The following SF3B3 variants were observed in gnomAD, a reference collection of about 807,000 sequenced individuals.
The protein encoded by SF3B3 is SAP 130.
In SF3B3, 33 loss-of-function variants were observed where a neutral mutation model predicts 139.2. The ratio of observed to expected loss-of-function variants is 0.24; its 90% confidence interval spans 0.18 to 0.32. SF3B3 has a LOEUF of 0.32. SF3B3 is among the 10% of genes least tolerant of loss of function. SF3B3 has a pLI of 1.00. For missense variants in SF3B3, 818 were observed against 1,509.4 expected (o/e 0.54, Z 7.59); for synonymous variants, 596 against 563.6 (o/e 1.06, Z -0.81).
At chr16:70,530,600 A>C (rs1035763928) in intron 3 of SF3B3, 145 bp from the exon 4 acceptor site, 2 of 749,656 alleles carry the variant, frequency 2.7e-6, no homozygotes, top group Admixed American at 5.7e-5. Flanking sequence ...CTGATGATAG[A>C]AAACAGAATC....
chr16:70,536,406 C>T lies in SF3B3; in HGVS notation c.825+986C>T, dbSNP rs2050167499. ...TGAGACGGAGTCTCGCTCTGTCACC[C>T]AGGCTAGAGTGTAGTGGTGCGATCT... On this transcript the variant is annotated intron_variant, in intron 6 of 25. Transcript: ENST00000302516. 2.0e-5 allele frequency among the ~76,000 whole-genome samples: 3 copies of T among 152,078 alleles called. No homozygotes were observed. The South Asian group carries it at 6.2e-4, about 32-fold the overall frequency.
chr16:70,556,396 G>A (rs1203481753), intron 14 of SF3B3, 62 bp downstream of exon 14: 1 of 1,578,064 alleles, frequency 6.3e-7, no homozygotes, highest in Non-Finnish European at 8.7e-7. Context: ...GGCTCCTGAT[G>A]TCTATCTCTG....
intron 21 of SF3B3, 55 bp downstream of exon 21, chr16:70,567,591 A>G: frequency 2.6e-6 from 4 of 1,561,100 alleles, no homozygotes; most frequent in Non-Finnish European, 3.5e-6. Context: ...GGGTGGGGGC[A>G]TTGGTGGGGT....
At chr16:70,531,039 G>A in intron 4 of SF3B3, 122 bp downstream of exon 4, 1 of 800,420 alleles carries the variant, frequency 1.2e-6, no homozygotes, top group Non-Finnish European at 2.0e-6. Context: ...AGGCAAGGCT[G>A]GCGGATCATG....
At chr16:70,528,826 C>A in intron 2 of SF3B3, 47 bp from the exon 3 acceptor site, 1 of 1,425,286 alleles carries the variant, frequency 7.0e-7, no homozygotes, top group Non-Finnish European at 9.7e-7. Flanking sequence ...CCATGGTGGC[C>A]AGGCTGGGTT....
At position 70,563,944 on chromosome 16, in the gene SF3B3, G is replaced by C. The variant is rs1388835784; in HGVS notation, c.2357G>C (p.Arg786Thr). 6.2e-7 allele frequency: 1 copy of C among 1,613,948 alleles called. No individual in the cohort carries two copies. Among genetic ancestry groups the C allele is most frequent in the Admixed American group, 1.7e-5 (1 of 59,970 alleles). The change falls in exon 18 of 26, where the codon AGG becomes ACG. Residue 786 changes from arginine to threonine, a missense_variant. Transcript: ENST00000302516. ...GCCTTCCCACTGCAGTACACACCCAGGAAATTTGTCATCCACCCTGAGAGT... is the reference window on the plus strand; with the variant it reads ...GCCTTCCCACTGCAGTACACACCCACGAAATTTGTCATCCACCCTGAGAGT... ...QVAFPLQYTP[R>T]KFVIHPESNN...
At position 70,565,391 on chromosome 16, in the gene SF3B3, A is replaced by G. The variant is rs748997656; in HGVS notation, c.2693A>G (p.Asn898Ser). The G allele has an allele frequency of 3.1e-6, 5 of 1,614,058 alleles. No homozygotes were observed. The highest frequency in any genetic ancestry group is 4.2e-6 in the Non-Finnish European group (5 of 1,180,040). ...AGTGTGGCTGTGTGCAGGTTTTCCAACACTGGTGAAGACTGGTATGTGCTG... is the reference window on the plus strand; with the variant it reads ...AGTGTGGCTGTGTGCAGGTTTTCCAGCACTGGTGAAGACTGGTATGTGCTG... Reference protein sequence around the residue: ...AFSVAVCRFSNTGEDWYVLVG... With the variant: ...AFSVAVCRFSSTGEDWYVLVG... The change falls in exon 20 of 26, where the codon AAC becomes AGC. Residue 898 changes from asparagine (N) to serine (S), a missense_variant. This residue lies in a region of SF3B3 where 145 missense variants were observed against 153.6 expected (regional missense o/e 0.94). Transcript: ENST00000302516.
chr16:70,532,550 C>T lies in SF3B3; in HGVS notation c.642C>T (p.Asp214=), dbSNP rs760273160. ...TQQTLTFYEL[D]LGLNHVVRKY... is the part of the protein sequence containing the mutation. ...AGACACTTACTTTCTATGAGCTAGA[C>T]CTTGGTTTAAATCATGTGGTCCGAA... The change falls in exon 5 of 26, where the codon GAC becomes GAT. Residue 214 remains aspartate (D), a synonymous_variant. Coordinates refer to ENST00000302516, the MANE Select transcript of SF3B3 (RefSeq NM_012426.5). 3.1e-6 allele frequency: 5 copies of T among 1,613,846 alleles called. No homozygotes were observed. In the Admixed American group the frequency reaches 6.7e-5, roughly 22 times the overall value.
intron 6 of SF3B3, 157 bp from the exon 7 acceptor site, chr16:70,538,166 G>T (rs1258028202): frequency 2.6e-6 from 2 of 764,948 alleles, no homozygotes; most frequent in Non-Finnish European, 4.7e-6. Flanking sequence ...ATTTTGAGCT[G>T]TGGGGTTCCA....
chr16:70,563,426 C>T lies in SF3B3; in HGVS notation c.2289-450C>T, dbSNP rs551276972. Among the ~76,000 whole-genome samples, 7 of 152,254 alleles carry T rather than the reference C, an allele frequency of 4.6e-5. No individual in the cohort carries two copies. The East Asian group carries it at 9.6e-4, about 21-fold the overall frequency. ...CCATTTGACAGAAATTTGTAGGTCC[C>T]TTATTTGCTGTCTCTTGCATTGTCA... On this transcript the variant is annotated intron_variant, in intron 17 of 25. Coordinates refer to ENST00000302516, the MANE Select transcript of SF3B3 (RefSeq NM_012426.5).
chr16:70,545,224 A>G (rs567219110), intron 10 of SF3B3, among the ~76,000 whole-genome samples: 177 of 152,046 alleles, frequency 1.2e-3, no homozygotes, highest in Non-Finnish European at 2.3e-3. Context: ...GTGCCACAAC[A>G]CCCAGCTAAT....
At chr16:70,526,778 C>G (rs776764473) in intron 2 of SF3B3, 52 bp downstream of exon 2, 1 of 1,196,028 alleles carries the variant, frequency 8.4e-7, no homozygotes, top group African/African-American at 1.5e-5. Flanking sequence ...TAATACATAT[C>G]TTGCTTAGTC....
intron 25 of SF3B3, 74 bp downstream of exon 25, chr16:70,571,273 A>G: frequency 1.8e-6 from 2 of 1,116,644 alleles, no homozygotes; most frequent in South Asian, 2.5e-5. Flanking sequence ...TGATGGGAAT[A>G]GTACCAGGGA....
intron 3 of SF3B3, chr16:70,529,502 C>A: frequency 2.8e-6 from 1 of 353,510 alleles, no homozygotes; most frequent in Non-Finnish European, 5.2e-6. Context: ...AATATCGTTG[C>A]TTTCATCAGC....
chr16:70,538,164 C>A, intron 6 of SF3B3, 159 bp from the exon 7 acceptor site: 1 of 757,846 alleles, frequency 1.3e-6, no homozygotes, highest in Non-Finnish European at 2.4e-6. Flanking sequence ...GAATTTTGAG[C>A]TGTGGGGTTC....
At chr16:70,566,740 C>G (rs1217092053) in intron 20 of SF3B3, among the ~76,000 whole-genome samples, 1 of 152,050 alleles carries the variant, frequency 6.6e-6, no homozygotes, top group African/African-American at 2.4e-5. Context: ...TTAAATTTGT[C>G]TCTCCTTTAC....
At position 70,538,252 on chromosome 16, in the gene SF3B3, G is replaced by T. The variant is rs1463004037; in HGVS notation, c.826-71G>T. On this transcript the variant is annotated intron_variant, in intron 6 of 25. Transcript: ENST00000302516. ...TTAATGTCATTTGTAATCCCTATTGGTAAAGTGCTGAATTCCAGAACTAAG... is the reference window on the plus strand; with the variant it reads ...TTAATGTCATTTGTAATCCCTATTGTTAAAGTGCTGAATTCCAGAACTAAG... 5.8e-6 allele frequency: 8 copies of T among 1,380,114 alleles called. No homozygotes were observed. In the East Asian group the frequency reaches 1.8e-4, roughly 32 times the overall value. The allele number at this position is 1,380,114 out of a possible 1,614,324, so 85.5% of individuals were successfully genotyped here.
chr16:70,572,103 T>G lies in SF3B3; in HGVS notation c.*290T>G. 5.1e-6 allele frequency: 3 copies of G among 584,354 alleles called. No individual in the cohort carries two copies. The highest frequency in any genetic ancestry group is 9.7e-6 in the Non-Finnish European group (3 of 309,660). The allele number at this position is 584,354 out of a possible 1,614,324, so 36.2% of individuals were successfully genotyped here. On this transcript the variant is annotated 3_prime_UTR_variant, in exon 26 of 26. Transcript: ENST00000302516. ...CCCCAAAGCCATCCCTGCATTGATA[T>G]GTCTTGACTCTCCTGTCTACTTTTG...
In SF3B3 at chr16:70,568,316, A is replaced by C; in HGVS notation, c.2986A>C (p.Ile996Leu). The change falls in exon 22 of 26, where the codon ATC becomes CTC. Residue 996 changes from isoleucine to leucine, a missense_variant. Physicochemically the swap from Ile to Leu is conservative, Grantham distance 5 (BLOSUM62 2). This residue lies in a region of SF3B3 where 91 missense variants were observed against 171.8 expected (regional missense o/e 0.53). Transcript: ENST00000302516. ...IANYISGIQT[I>L]GHRVIVSDVQ... ...CAATTATATCTCTGGGATCCAGACT[A>C]TCGGACATAGGGTAATTGTATCTGA... 6.2e-7 allele frequency: 1 copy of C among 1,613,238 alleles called. No homozygotes were observed. Among genetic ancestry groups the C allele is most frequent in the Non-Finnish European group, 8.5e-7 (1 of 1,179,194 alleles).
Sources: allele counts gnomAD v4.1 joint callset (sites outside exome capture counted in the v4.1 genomes callset), GRCh38; gene constraint gnomAD v4.1.1; regional missense constraint gnomAD v4.1.1; transcripts MANE v1.5; gene names NCBI Gene and HGNC (gene_info 2026-07-23, HGNC 2026-07-21).